Variants in FAAP20 observed in about 807,000 individuals in gnomAD.
FAAP20 encodes the protein Fanconi anemia core complex-associated protein 20.
Under a neutral mutation model 16.2 loss-of-function variants are expected in FAAP20, and 12 were observed. The observed-to-expected ratio is 0.74, with a 90% CI of 0.48 to 1.20. The LOEUF is 1.20. FAAP20 is among the 50% of genes most tolerant of loss of function. FAAP20 has a pLI of 0.00. For missense variants in FAAP20, 288 were observed against 245.8 expected (o/e 1.17, Z -1.15); for synonymous variants, 141 against 110.7 (o/e 1.27, Z -1.72).
intron 3 of FAAP20, among the ~76,000 whole-genome samples, chr1:2,206,140 C>G (rs1034527852): frequency 6.6e-6 from 1 of 152,246 alleles, no homozygotes; most frequent in Non-Finnish European, 1.5e-5. Flanking sequence ...ACTCACCCAC[C>G]TGTCTGTGGA....
upstream of FAAP20, among the ~76,000 whole-genome samples, chr1:2,204,277 G>A (rs563882452): frequency 6.6e-6 from 1 of 152,372 alleles, no homozygotes; most frequent in South Asian, 2.1e-4. Context: ...TGCCAGCATC[G>A]TGAGCCGTGG....
At chr1:2,198,866 T>C, upstream of FAAP20, 1 of 1,289,770 alleles carries the variant, frequency 7.8e-7, no homozygotes, top group Non-Finnish European at 1.0e-6. Context: ...CGCCCACCCA[T>C]AGCCAGATGT....
In FAAP20 at chr1:2,189,569, G is replaced by C; in HGVS notation, c.*140C>G. The C allele has an allele frequency of 1.4e-6, 1 of 720,974 alleles. No individual in the cohort carries two copies. The highest frequency in any genetic ancestry group is 2.5e-6 in the Non-Finnish European group (1 of 403,572). The allele number at this position is 720,974 out of a possible 1,614,324, so 44.7% of individuals were successfully genotyped here. A position where few individuals can be genotyped will look rare whatever the true frequency, so the allele number is the denominator to read the frequency against. On this transcript the variant is annotated 3_prime_UTR_variant, in exon 4 of 4. Transcript: ENST00000378546. ...GACGTTTCATCACAACACAGAGACA[G>C]ACAGGAGCCCGCCCTGCTTTAATGC...
intron 3 of FAAP20, among the ~76,000 whole-genome samples, chr1:2,204,909 G>GC (rs1201120851): frequency 1.1e-3 from 13 of 11,904 alleles, no homozygotes; most frequent in Admixed American, 3.2e-3. Flanking sequence ...CGCCCCTCAA[G>GC]CCCCCCTCCC....
At chr1:2,190,331 C>T (rs1052102651) in intron 3 of FAAP20, 1 of 456,372 alleles carries the variant, frequency 2.2e-6, no homozygotes, top group Non-Finnish European at 4.4e-6. Flanking sequence ...GGAGGCCCCA[C>T]GCGGCCCCTG....
chr1:2,194,944 G>A (rs1298610557), upstream of FAAP20, among the ~76,000 whole-genome samples: 1 of 151,748 alleles, frequency 6.6e-6, no homozygotes, highest in African/African-American at 2.4e-5. Context: ...GCACAGGGGG[G>A]CCTGGCGTGA....
chr1:2,198,473 C>A, upstream of FAAP20: 1 of 412,372 alleles, frequency 2.4e-6, no homozygotes, highest in Non-Finnish European at 4.2e-6. Context: ...CTCCTTCCAC[C>A]GCGGAAGAAC....
At chr1:2,186,703 G>A (rs931074303), downstream of FAAP20, 3 of 154,092 alleles carry the variant, frequency 1.9e-5, no homozygotes, top group Non-Finnish European at 2.9e-5. Flanking sequence ...GGCCGCTGAA[G>A]TTACACCTGC....
At chr1:2,204,855 C>G (rs890842277), upstream of FAAP20, among the ~76,000 whole-genome samples, 1 of 151,838 alleles carries the variant, frequency 6.6e-6, no homozygotes. Flanking sequence ...GTTCCTCTGC[C>G]GGACCCTCCT....
downstream of FAAP20, among the ~76,000 whole-genome samples, chr1:2,211,298 C>T (rs571563407): frequency 3.0e-5 from 4 of 131,850 alleles, no homozygotes; most frequent in Non-Finnish European, 4.7e-5. Context: ...CGCGCGATCT[C>T]GGCTCACTGC....
intron 3 of FAAP20, chr1:2,191,641 T>G (rs1192010623): frequency 1.8e-5 from 3 of 168,428 alleles, no homozygotes; most frequent in South Asian, 1.9e-4. Flanking sequence ...CTCAGGAGAC[T>G]GAGGCAGGAG....
chr1:2,188,731 C>T (rs1473828893), downstream of FAAP20, among the ~76,000 whole-genome samples: 1 of 152,166 alleles, frequency 6.6e-6, no homozygotes, highest in Non-Finnish European at 1.5e-5. Context: ...GATGGTGGAG[C>T]GCGGTGGCTC....
At chr1:2,211,419 ATATATATATATATATATTTTTTTTTTTT>A (rs1689436822), downstream of FAAP20, among the ~76,000 whole-genome samples, 1 of 17,148 alleles carries the variant, frequency 5.8e-5, no homozygotes, top group African/African-American at 4.5e-4. Context: ...ATATATATAT[ATATATATATATATATATTTTTTTTTTTT>A]TTTTTTTTTT....
At chr1:2,184,526 A>G, downstream of FAAP20, 1 of 1,336,334 alleles carries the variant, frequency 7.5e-7, no homozygotes, top group Non-Finnish European at 1.1e-6. Flanking sequence ...CAAAACACTC[A>G]ATCTGGTAGG....
At chr1:2,201,305 C>A, upstream of FAAP20, 1 of 1,076,268 alleles carries the variant, frequency 9.3e-7, no homozygotes, top group Non-Finnish European at 1.2e-6. Flanking sequence ...CGGTGAGCGA[C>A]CTCTGTAGGC....
chr1:2,185,351 G>A (rs1687430879), downstream of FAAP20: 1 of 718,724 alleles, frequency 1.4e-6, no homozygotes, highest in African/African-American at 1.7e-5. Flanking sequence ...CCAGGAAAGT[G>A]AGCGTGTAGC....
At chr1:2,195,307 G>A (rs142447004), upstream of FAAP20, among the ~76,000 whole-genome samples, 408 of 152,118 alleles carry the variant, frequency 2.7e-3, 2 homozygotes, top group African/African-American at 9.3e-3. Context: ...GGGCAGCTGA[G>A]GGGCTTTCCT....
intron 1 of FAAP20, 106 bp from the exon 2 acceptor site, chr1:2,194,239 C>T (rs1688608248): frequency 7.0e-7 from 1 of 1,432,408 alleles, no homozygotes. Context: ...ATGGGGGGTA[C>T]TAGAGGGAAA....
intron 3 of FAAP20, chr1:2,193,374 G>C (rs928799467): frequency 5.3e-6 from 3 of 565,420 alleles, no homozygotes; most frequent in Non-Finnish European, 9.0e-6. Flanking sequence ...AGGTGGACCC[G>C]GGGCCAGTGC....
Sources: allele counts gnomAD v4.1 joint callset (sites outside exome capture counted in the v4.1 genomes callset), GRCh38; gene constraint gnomAD v4.1.1; transcripts MANE v1.5; gene names NCBI Gene and HGNC (gene_info 2026-07-23, HGNC 2026-07-21).